CNIH1: variants seen among roughly 807,000 people sequenced by gnomAD.
CNIH1 encodes the protein cornichon family member 1, also known as protein cornichon homolog 1.
Under a neutral mutation model 20.2 loss-of-function variants are expected in CNIH1, and 12 were observed. The ratio of observed to expected loss-of-function variants is 0.59; its 90% confidence interval spans 0.38 to 0.96. CNIH1 has a LOEUF of 0.96. Among genes scored for constraint, CNIH1 ranks in the 40% least tolerant of loss-of-function variants. CNIH1 has a pLI of 0.00. For missense variants in CNIH1, 152 were observed against 178.8 expected (o/e 0.85, Z 0.85); for synonymous variants, 69 against 63.3 (o/e 1.09, Z -0.43).
At chr14:54,433,038 T>C (rs180886263) in intron 2 of CNIH1, among the ~76,000 whole-genome samples, 34 of 152,314 alleles carry the variant, frequency 2.2e-4, no homozygotes, top group African/African-American at 7.9e-4. Flanking sequence ...GAAAAATTAA[T>C]TCGAGCAAAA....
intron 2 of CNIH1, 60 bp downstream of exon 2, chr14:54,436,309 T>G: frequency 1.0e-6 from 1 of 1,004,792 alleles, no homozygotes; most frequent in South Asian, 1.4e-5. Context: ...TTCAAATTAC[T>G]TCAAGTTAAA....
rs533651432 is a variant in CNIH1 at position 54,427,546 on chromosome 14, T to C, written c.*268A>G. 3.1e-5 allele frequency: 14 copies of C among 455,278 alleles called. No individual in the cohort carries two copies. The highest frequency in any genetic ancestry group is 2.4e-4 in the African/African-American group (12 of 50,348). The allele number at this position is 455,278 out of a possible 1,614,324, so 28.2% of individuals were successfully genotyped here. A position where few individuals can be genotyped will look rare whatever the true frequency, so the allele number is the denominator to read the frequency against. ...AGGATTATGGCTGTTCCTTAAGAAG[T>C]GCAAGTTCAAACCTGTCAACACCAG... is the stretch of plus-strand genomic sequence containing the variant. On this transcript the variant is annotated 3_prime_UTR_variant, in exon 5 of 5. Coordinates refer to ENST00000216416, the MANE Select transcript of CNIH1 (RefSeq NM_005776.3).
At chr14:54,436,813 C>T in intron 1 of CNIH1, 1 of 438,396 alleles carries the variant, frequency 2.3e-6, no homozygotes. Context: ...CTTCCTAGGT[C>T]AACTTCTTTC....
At position 54,441,351 on chromosome 14, in the gene CNIH1, C is replaced by T; in HGVS notation, c.-24G>A. ...ATGGCTGGGGAGGAGGAGCGGGGAG[C>T]GGCGCCGTTGCCAGCGGAGAAAGGC... is the stretch of plus-strand genomic sequence containing the variant. On this transcript the variant is annotated 5_prime_UTR_variant, in exon 1 of 5. Transcript: ENST00000216416. The T allele has an allele frequency of 2.0e-6, 3 of 1,482,826 alleles. No homozygotes were observed. Among genetic ancestry groups the T allele is most frequent in the East Asian group, 2.8e-5 (1 of 35,542 alleles). The allele number at this position is 1,482,826 out of a possible 1,614,324, so 91.9% of individuals were successfully genotyped here.
intron 1 of CNIH1, among the ~76,000 whole-genome samples, chr14:54,440,736 G>C (rs1298754655): frequency 6.6e-6 from 1 of 152,220 alleles, no homozygotes; most frequent in Non-Finnish European, 1.5e-5. Context: ...AAAGTGATTT[G>C]ATTTGAAGAG....
At position 54,427,387 on chromosome 14, in the gene CNIH1, A is replaced by T. The variant is rs1253987710; in HGVS notation, c.*427T>A. 6.3e-6 allele frequency: 1 copy of T among 158,192 alleles called. No homozygotes were observed. The highest frequency in any genetic ancestry group is 2.4e-5 in the African/African-American group (1 of 41,652). 9.8% of individuals were successfully genotyped at this position (158,192 alleles called of 1,614,324 possible). A position where few individuals can be genotyped will look rare whatever the true frequency, so the allele number is the denominator to read the frequency against. The stretch of plus-strand genomic sequence containing the variant: ...CTAGTCAGATATACATTTTCACTTC[A>T]TCAGAAGCACCTGATATCTACAGCT... On this transcript the variant is annotated 3_prime_UTR_variant, in exon 5 of 5. Coordinates refer to ENST00000216416, the MANE Select transcript of CNIH1 (RefSeq NM_005776.3).
chr14:54,432,667 TA>T (rs1490963146), intron 2 of CNIH1, among the ~76,000 whole-genome samples: 1 of 152,268 alleles, frequency 6.6e-6, no homozygotes, highest in African/African-American at 2.4e-5. Context: ...TCAGTGTTTT[TA>T]AGCCTTTAAC....
At chr14:54,428,477 C>T (rs1047320065) in intron 4 of CNIH1, among the ~76,000 whole-genome samples, 6 of 152,210 alleles carry the variant, frequency 3.9e-5, no homozygotes, top group African/African-American at 1.2e-4. Flanking sequence ...ATTCAAAAAG[C>T]ACATAACTCT....
At chr14:54,441,058 TG>T (rs1319402553) in intron 1 of CNIH1, among the ~76,000 whole-genome samples, 188 bp downstream of exon 1, 1 of 151,582 alleles carries the variant, frequency 6.6e-6, no homozygotes. Context: ...CGCGTCCACC[TG>T]GCGACTGCGC....
intron 3 of CNIH1, among the ~76,000 whole-genome samples, chr14:54,431,887 C>A (rs1035646013): frequency 6.6e-6 from 1 of 152,032 alleles, no homozygotes; most frequent in East Asian, 1.9e-4. Flanking sequence ...GTGCACAACA[C>A]TAAGTTATAC....
chr14:54,433,812 G>A (rs569222674), intron 2 of CNIH1, among the ~76,000 whole-genome samples: 40 of 152,066 alleles, frequency 2.6e-4, no homozygotes, highest in Admixed American at 2.0e-3. Flanking sequence ...AACCCCTCCC[G>A]CTCTTAATAT....
chr14:54,436,263 T>C (rs1488133932), intron 2 of CNIH1, 106 bp downstream of exon 2: 6 of 746,164 alleles, frequency 8.0e-6, no homozygotes, highest in Non-Finnish European at 1.4e-5. Context: ...CTTCAAAAAG[T>C]ACAAATATAT....
intron 1 of CNIH1, 169 bp from the exon 2 acceptor site, chr14:54,436,606 C>A (rs116172065): frequency 1.2e-5 from 7 of 580,292 alleles, no homozygotes; most frequent in Non-Finnish European, 2.1e-5. Flanking sequence ...AACCAGAATG[C>A]GATTTAAAGT....
At chr14:54,436,293 G>A in intron 2 of CNIH1, 76 bp downstream of exon 2, 1 of 838,132 alleles carries the variant, frequency 1.2e-6, no homozygotes, top group Non-Finnish European at 2.0e-6. Flanking sequence ...CAGAATACTG[G>A]CCATTTTCAA....
In CNIH1 at chr14:54,426,000, A is replaced by G. The variant is rs1015520915; in HGVS notation, c.*1814T>C. The G allele has an allele frequency of 6.6e-6, 1 of 152,216 alleles. No homozygotes were observed. The highest frequency in any genetic ancestry group is 2.4e-5 in the African/African-American group (1 of 41,454). 9.4% of individuals were successfully genotyped at this position (152,216 alleles called of 1,614,324 possible). On this transcript the variant is annotated 3_prime_UTR_variant, in exon 5 of 5. Coordinates refer to ENST00000216416, the MANE Select transcript of CNIH1 (RefSeq NM_005776.3). ...GACTTGGCCAGGTCTTGCATGATCA[A>G]AAGTCCTTGTGAACAAGAAAGAAAA...
chr14:54,434,943 T>C (rs1032827416), intron 2 of CNIH1, among the ~76,000 whole-genome samples: 1 of 152,184 alleles, frequency 6.6e-6, no homozygotes. Context: ...AAAGACAAAC[T>C]AGAAATCTCT....
At chr14:54,432,605 C>T (rs2140002518) in intron 2 of CNIH1, among the ~76,000 whole-genome samples, 1 of 152,288 alleles carries the variant, frequency 6.6e-6, no homozygotes, top group South Asian at 2.1e-4. Context: ...TGATCACATG[C>T]AACATATTAA....
intron 4 of CNIH1, 119 bp downstream of exon 4, chr14:54,430,142 T>G: frequency 2.8e-6 from 3 of 1,074,794 alleles, no homozygotes; most frequent in Non-Finnish European, 4.0e-6. Context: ...GTGTGCACCA[T>G]GCACACTTAA....
In CNIH1 at chr14:54,427,691, A is replaced by AT. The variant is rs1255362886; in HGVS notation, c.*122dup. On this transcript the variant is annotated 3_prime_UTR_variant, in exon 5 of 5. Transcript: ENST00000216416. ...GGAAACATTTAAAAAATAAGGAGTC[A>AT]TTTTTTAAAGTAACTGATCAGATTC... 11 of 1,016,404 alleles carry AT rather than the reference A, an allele frequency of 1.1e-5. No individual in the cohort carries two copies. Among genetic ancestry groups the AT allele is most frequent in the Non-Finnish European group, 1.3e-5 (9 of 675,416 alleles). The allele number at this position is 1,016,404 out of a possible 1,614,324, so 63.0% of individuals were successfully genotyped here.
Sources: allele counts gnomAD v4.1 joint callset (sites outside exome capture counted in the v4.1 genomes callset), GRCh38; gene constraint gnomAD v4.1.1; transcripts MANE v1.5; gene names NCBI Gene and HGNC (gene_info 2026-07-23, HGNC 2026-07-21).